Variants in MPHOSPH9 observed in about 807,000 individuals in gnomAD.
MPHOSPH9 encodes M-phase phosphoprotein 9.
Under a neutral mutation model 145.5 loss-of-function variants are expected in MPHOSPH9, and 88 were observed. That is an observed-to-expected ratio of 0.60 (90% CI 0.51 to 0.72). The LOEUF is 0.72. MPHOSPH9 is among the 30% of genes least tolerant of loss of function. MPHOSPH9 has a pLI of 0.00. For synonymous variants in MPHOSPH9, 435 were observed against 486.2 expected (o/e 0.89, Z 1.39); for missense variants, 1,238 against 1,386.6 (o/e 0.89, Z 1.70).
intron 13 of MPHOSPH9, among the ~76,000 whole-genome samples, chr12:123,182,577 T>C (rs1419284441): frequency 6.6e-6 from 1 of 151,666 alleles, no homozygotes; most frequent in Non-Finnish European, 1.5e-5. Flanking sequence ...AAATTAGTTC[T>C]ACCTAGTAAA....
chr12:123,217,356 C>A (rs1472150186), intron 6 of MPHOSPH9, among the ~76,000 whole-genome samples: 2 of 151,898 alleles, frequency 1.3e-5, no homozygotes, highest in Admixed American at 1.3e-4. Context: ...TGCTACCACA[C>A]CCGGCTAAGT....
At position 123,159,081 on chromosome 12, in the gene MPHOSPH9, C is replaced by A. The variant is rs937089528; in HGVS notation, c.3450+1700G>T. ...GCTCCAGCCTGGTGACACAGCGAGA[C>A]TCCGTCTCCAAACTAGATAAATAAA... On this transcript the variant is annotated intron_variant, in intron 23 of 23. Coordinates refer to ENST00000606320, the MANE Select transcript of MPHOSPH9 (RefSeq NM_022782.4). The surrounding 1 kb of genome is among the most constrained non-coding windows in gnomAD (Gnocchi z 4.3). Among the ~76,000 whole-genome samples, 1 of 152,222 alleles carries A rather than the reference C, an allele frequency of 6.6e-6. No individual in the cohort carries two copies. Among genetic ancestry groups the A allele is most frequent in the Non-Finnish European group, 1.5e-5 (1 of 68,044 alleles).
At chr12:123,180,209 G>A (rs1194625866) in intron 14 of MPHOSPH9, among the ~76,000 whole-genome samples, 5 of 152,182 alleles carry the variant, frequency 3.3e-5, no homozygotes, top group Non-Finnish European at 7.3e-5. Context: ...AGTCCCCTGG[G>A]TAACAGATAC....
intron 23 of MPHOSPH9, among the ~76,000 whole-genome samples, chr12:123,158,550 A>G (rs1203506688): frequency 3.9e-5 from 6 of 152,152 alleles, no homozygotes; most frequent in African/African-American, 1.4e-4. Flanking sequence ...GATTGTGCCA[A>G]TGCACTCCAG....
intron 12 of MPHOSPH9, among the ~76,000 whole-genome samples, chr12:123,195,815 G>C (rs2045920721): frequency 6.6e-6 from 1 of 152,138 alleles, no homozygotes; most frequent in African/African-American, 2.4e-5. Context: ...CACTTTGGGA[G>C]GACTGCTAGA....
Position 123,165,388 on chromosome 12 carries a change from G to A in MPHOSPH9, c.2681C>T (p.Pro894Leu), listed in dbSNP as rs759585307. 1.5e-5 allele frequency: 24 copies of A among 1,613,300 alleles called. No homozygotes were observed. The highest frequency in any genetic ancestry group is 1.6e-4 in the Middle Eastern group (1 of 6,084). The change falls in exon 18 of 24, where the codon CCG (proline) becomes CTG (leucine). Residue 894 changes from proline to leucine, a missense_variant. This residue lies in a region of MPHOSPH9 where 393 missense variants were observed against 462.5 expected (regional missense o/e 0.85). Transcript: ENST00000606320. Reference protein sequence around the residue: ...IKKQRETSDTPIMRALKELDE... With the variant: ...IKKQRETSDTLIMRALKELDE... The stretch of plus-strand genomic sequence containing the variant: ...AAGTTCTTTTAAAGCTCTCATGATC[G>A]GCGTGTCTGAAGTCTCTCTTTGCTT...
rs746168106 is a variant in MPHOSPH9, at chr12:123,202,859, A to C, written c.1546T>G (p.Ser516Ala). The C allele has an allele frequency of 5.0e-6, 8 of 1,614,134 alleles. No homozygotes were observed. The South Asian group carries it at 7.7e-5, about 16-fold the overall frequency. The change falls in exon 10 of 24, where the codon TCT becomes GCT. Residue 516 changes from serine (S) to alanine (A), a missense_variant. By Grantham distance (99) the Ser-to-Ala change is moderately conservative. Around this residue, in one of 3 missense-constraint regions of MPHOSPH9, gnomAD observed 837 missense variants for 897.5 expected, o/e 0.93. Transcript: ENST00000606320. ...TGATTTTTCCAAGAGTCCACCGGAG[A>C]AGCTTTTGTGTGTGAGGGATATTTT... is the stretch of plus-strand genomic sequence containing the variant. Reference protein sequence around the residue: ...FPKYPSHTKASPVDSWKNQTF... With the variant: ...FPKYPSHTKAAPVDSWKNQTF...
intron 14 of MPHOSPH9, among the ~76,000 whole-genome samples, chr12:123,180,231 C>T (rs1170588353): frequency 6.6e-6 from 1 of 152,168 alleles, no homozygotes; most frequent in Non-Finnish European, 1.5e-5. Context: ...GCCCTTTATA[C>T]TTTGCTTAAT....
At chr12:123,208,120 A>G (rs568097245) in intron 8 of MPHOSPH9, among the ~76,000 whole-genome samples, 1 of 145,892 alleles carries the variant, frequency 6.9e-6, no homozygotes, top group South Asian at 2.2e-4. Flanking sequence ...CAGGAGGCTG[A>G]GGCAGGAGAA....
chr12:123,177,924 G>C (rs2044955059), intron 15 of MPHOSPH9, among the ~76,000 whole-genome samples: 1 of 151,664 alleles, frequency 6.6e-6, no homozygotes. Context: ...ACAACCTATA[G>C]GTATTTCATC....
At chr12:123,235,923 G>A (rs555957011), upstream of MPHOSPH9, among the ~76,000 whole-genome samples, 17 of 152,086 alleles carry the variant, frequency 1.1e-4, no homozygotes, top group South Asian at 2.7e-3. Context: ...AATTAGCTGG[G>A]CGTGGTGGCT....
chr12:123,183,195 AC>A (rs2045269539), intron 13 of MPHOSPH9, among the ~76,000 whole-genome samples: 1 of 151,936 alleles, frequency 6.6e-6, no homozygotes, highest in Non-Finnish European at 1.5e-5. Flanking sequence ...TAAAGAGAAA[AC>A]AAACGAGGTG....
chr12:123,153,158 T>G (rs910068753), downstream of MPHOSPH9: 5 of 152,178 alleles, frequency 3.3e-5, no homozygotes, highest in African/African-American at 1.2e-4. Context: ...ATGAAACATT[T>G]GAAGGGGCAA....
Position 123,163,125 on chromosome 12 carries a change from T to A in MPHOSPH9, c.2918A>T (p.Glu973Val), listed in dbSNP as rs2044176063. 6.3e-7 allele frequency: 1 copy of A among 1,579,842 alleles called. No homozygotes were observed. Among genetic ancestry groups the A allele is most frequent in the African/African-American group, 1.4e-5 (1 of 72,730 alleles). The change falls in exon 20 of 24, where the codon GAG becomes GTG. Residue 973 changes from glutamate to valine, a missense_variant. Physicochemically the swap from Glu to Val is moderately radical, Grantham distance 121. Transcript: ENST00000606320. ...NRKSSTPTKR[E>V]IMLTPVTVAY... ...CACAGTCACTGGTGTTAGCATAATC[T>A]CTCTTTTTGCTATAGAAGAAAATGA... is the stretch of plus-strand genomic sequence containing the variant.
At chr12:123,233,455 C>T (rs552684339), upstream of MPHOSPH9, 1 of 152,294 alleles carries the variant, frequency 6.6e-6, no homozygotes, top group African/African-American at 2.4e-5. Context: ...GATCAGGGAT[C>T]GCGATTGCGA....
At position 123,202,195 on chromosome 12, in the gene MPHOSPH9, A is replaced by G. The variant is rs750982023; in HGVS notation, c.1906T>C (p.Trp636Arg). ...EAKEISGVEDWKITNQILVDR... is the reference protein window; with the variant it reads ...EAKEISGVEDRKITNQILVDR... The stretch of plus-strand genomic sequence containing the variant: ...ACAAGAATTTGATTGGTTATCTTCC[A>G]ATCTTCAACTCCAGAGATTTCTTTT... Residue 636 changes from tryptophan (W) to arginine (R), a missense_variant, in exon 11 of 24, where the codon TGG (tryptophan) becomes CGG (arginine). Physicochemically the swap from Trp to Arg is moderately radical, Grantham distance 101. Coordinates refer to ENST00000606320, the MANE Select transcript of MPHOSPH9 (RefSeq NM_022782.4). 1.2e-6 allele frequency: 2 copies of G among 1,611,460 alleles called. No homozygotes were observed. Among genetic ancestry groups the G allele is most frequent in the South Asian group, 2.2e-5 (2 of 90,126 alleles).
intron 8 of MPHOSPH9, among the ~76,000 whole-genome samples, chr12:123,205,787 G>T (rs943432869): frequency 2.6e-5 from 4 of 152,152 alleles, no homozygotes; most frequent in Non-Finnish European, 4.4e-5. Context: ...CTCTAAAGTA[G>T]GGATGCCTCT....
intron 7 of MPHOSPH9, among the ~76,000 whole-genome samples, chr12:123,211,853 C>A (rs2046737667): frequency 6.6e-6 from 1 of 151,580 alleles, no homozygotes; most frequent in Non-Finnish European, 1.5e-5. Flanking sequence ...CACCACCGCA[C>A]CCAGCTAATT....
intron 1 of MPHOSPH9, among the ~76,000 whole-genome samples, chr12:123,243,122 A>G (rs2047968904): frequency 6.6e-6 from 1 of 152,198 alleles, no homozygotes; most frequent in Admixed American, 6.6e-5. Flanking sequence ...TACACATTTC[A>G]TACACATTAA....
Sources: allele counts gnomAD v4.1 joint callset (sites outside exome capture counted in the v4.1 genomes callset), GRCh38; gene constraint gnomAD v4.1.1; regional missense constraint gnomAD v4.1.1; non-coding constraint Gnocchi (gnomAD v3.1); transcripts MANE v1.5; gene names NCBI Gene and HGNC (gene_info 2026-07-23, HGNC 2026-07-21).